The following DOCK10 variants were observed in gnomAD, a reference collection of about 807,000 sequenced individuals.
DOCK10 encodes dedicator of cytokinesis 10.
Under a neutral mutation model 280.1 loss-of-function variants are expected in DOCK10, and 145 were observed. The ratio of observed to expected loss-of-function variants is 0.52; its 90% confidence interval spans 0.45 to 0.59. DOCK10 has a LOEUF of 0.59. DOCK10 is among the 20% of genes least tolerant of loss of function. DOCK10 has a pLI of 0.00. For synonymous variants in DOCK10, 915 were observed against 942.2 expected (o/e 0.97, Z 0.53); for missense variants, 2,368 against 2,651.7 (o/e 0.89, Z 2.35).
chr2:224,961,319 A>G (rs1379578414), intron 1 of DOCK10, among the ~76,000 whole-genome samples: 2 of 152,078 alleles, frequency 1.3e-5, no homozygotes, highest in African/African-American at 2.4e-5. Context: ...CAGAGCTCCA[A>G]TTCCCATTGT....
At chr2:225,034,201 G>A (rs1405057475) in intron 1 of DOCK10, among the ~76,000 whole-genome samples, 1 of 152,224 alleles carries the variant, frequency 6.6e-6, no homozygotes, top group Non-Finnish European at 1.5e-5. Context: ...CCTGCCTGGT[G>A]GAGCTGGGAG....
intron 25 of DOCK10, among the ~76,000 whole-genome samples, chr2:224,836,480 G>C (rs182657736): frequency 6.6e-6 from 1 of 152,088 alleles, no homozygotes; most frequent in African/African-American, 2.4e-5. Flanking sequence ...TAACATTTCT[G>C]GCAGATAGAA....
chr2:224,912,043 A>G (rs1701044946), intron 3 of DOCK10, among the ~76,000 whole-genome samples: 1 of 152,220 alleles, frequency 6.6e-6, no homozygotes. Context: ...TTAGGTATTT[A>G]TCTAATGACT....
chr2:225,029,164 A>T lies in DOCK10; in HGVS notation c.123+13088T>A, dbSNP rs762966173. On this transcript the variant is annotated intron_variant, in intron 1 of 55. Coordinates refer to ENST00000258390, the MANE Select transcript of DOCK10 (RefSeq NM_014689.3). Reference sequence around the variant, plus strand: ...TTGTGACTCAGTTTCCTTCTATTTTATTTTATTTATTTATTTATTTATTTT... The same window carrying T: ...TTGTGACTCAGTTTCCTTCTATTTTTTTTTATTTATTTATTTATTTATTTT... Among the ~76,000 whole-genome samples the T allele has an allele frequency of 4.2e-3, 638 of 151,908 alleles. 5 individuals carry two copies. Among genetic ancestry groups the T allele is most frequent in the Non-Finnish European group, 7.7e-3 (524 of 67,958 alleles).
intron 1 of DOCK10, among the ~76,000 whole-genome samples, chr2:224,984,683 C>T (rs910318170): frequency 2.0e-5 from 3 of 152,108 alleles, no homozygotes; most frequent in Non-Finnish European, 4.4e-5. Flanking sequence ...AACATTTTCT[C>T]ATGAAAGATT....
intron 51 of DOCK10, among the ~76,000 whole-genome samples, chr2:224,776,908 CCCTGAGCTTT>C (rs1271201560): frequency 6.6e-6 from 1 of 152,180 alleles, no homozygotes; most frequent in African/African-American, 2.4e-5. Context: ...AAGGTCCCTG[CCCTGAGCTTT>C]CCTTGTACAA....
intron 47 of DOCK10, among the ~76,000 whole-genome samples, chr2:224,790,749 T>G (rs1192195820): frequency 1.3e-5 from 2 of 152,150 alleles, no homozygotes; most frequent in African/African-American, 4.8e-5. Flanking sequence ...AGCTGTACTT[T>G]CTGGGGTCGC....
In DOCK10 at chr2:225,000,082, A is replaced by G. The variant is rs564205403; in HGVS notation, c.123+42170T>C. Among the ~76,000 whole-genome samples the G allele has an allele frequency of 3.9e-5, 6 of 152,264 alleles. No individual in the cohort carries two copies. In the East Asian group the frequency reaches 1.2e-3, roughly 29 times the overall value. The stretch of plus-strand genomic sequence containing the variant: ...AGAGATGTGAATTTCAATTTCATAC[A>G]CTTTCTATGCAAAAATATAGCTGGC... On this transcript the variant is annotated intron_variant, in intron 1 of 55. Transcript: ENST00000258390.
At chr2:224,844,128 A>AT in intron 22 of DOCK10, among the ~76,000 whole-genome samples, 2 of 152,116 alleles carry the variant, frequency 1.3e-5, no homozygotes, top group South Asian at 2.1e-4. Context: ...GTCTGTCTTT[A>AT]TTTTTTTATT....
rs542039330 is a variant in DOCK10 at position 224,865,996 on chromosome 2, C to G, written c.1258-909G>C. Among the ~76,000 whole-genome samples, 16 of 152,228 alleles carry G rather than the reference C, an allele frequency of 1.1e-4. No individual in the cohort carries two copies. In the East Asian group the frequency reaches 2.9e-3, roughly 28 times the overall value. On this transcript the variant is annotated intron_variant, in intron 11 of 55. Coordinates refer to ENST00000258390, the MANE Select transcript of DOCK10 (RefSeq NM_014689.3). The stretch of plus-strand genomic sequence containing the variant: ...ATTATTCCTCTCCTAAATACTCCAG[C>G]GAGTGTTTTCCCGAAATGAGGACAC...
At chr2:224,950,270 C>T (rs1289759806) in intron 1 of DOCK10, among the ~76,000 whole-genome samples, 1 of 152,120 alleles carries the variant, frequency 6.6e-6, no homozygotes, top group African/African-American at 2.4e-5. Context: ...TTATAAAGAT[C>T]TAGCAATTAA....
chr2:224,896,022 A>G (rs1368674673), intron 4 of DOCK10, among the ~76,000 whole-genome samples: 1 of 152,158 alleles, frequency 6.6e-6, no homozygotes, highest in Non-Finnish European at 1.5e-5. Flanking sequence ...TTGAAAAAAC[A>G]GCTCACAGAA....
chr2:224,945,681 A>AT (rs747089651), intron 1 of DOCK10, among the ~76,000 whole-genome samples: 42 of 151,010 alleles, frequency 2.8e-4, no homozygotes, highest in Middle Eastern at 3.5e-3. Context: ...GTGTGTGCAT[A>AT]TATATATATA....
chr2:224,962,404 G>A (rs1372608456), intron 1 of DOCK10, among the ~76,000 whole-genome samples: 6 of 152,104 alleles, frequency 3.9e-5, no homozygotes, highest in Non-Finnish European at 7.4e-5. Flanking sequence ...GATAATTTAT[G>A]ACTCAGTTAA....
At chr2:225,032,299 T>C (rs1322169859) in intron 1 of DOCK10, among the ~76,000 whole-genome samples, 2 of 152,154 alleles carry the variant, frequency 1.3e-5, no homozygotes, top group Admixed American at 1.3e-4. Flanking sequence ...GATAAAAAGA[T>C]ACATTTTTCA....
At chr2:224,946,784 C>G in intron 1 of DOCK10, 1 of 1,321,896 alleles carries the variant, frequency 7.6e-7, no homozygotes. Flanking sequence ...TAGAGCTAAT[C>G]ATTTTTGAAA....
At chr2:224,955,774 A>G (rs2126138491) in intron 1 of DOCK10, among the ~76,000 whole-genome samples, 1 of 152,356 alleles carries the variant, frequency 6.6e-6, no homozygotes, top group East Asian at 1.9e-4. Flanking sequence ...GAAGTCCAGT[A>G]GTTAAGGTCC....
intron 1 of DOCK10, among the ~76,000 whole-genome samples, chr2:224,949,524 C>G (rs1409010338): frequency 6.6e-6 from 1 of 152,148 alleles, no homozygotes; most frequent in Non-Finnish European, 1.5e-5. Flanking sequence ...TTGAAGGAGT[C>G]TGGGGAAGCT....
rs77423157 is a variant in DOCK10 at position 224,973,732 on chromosome 2, T to C, written c.124-42064A>G. On this transcript the variant is annotated intron_variant, in intron 1 of 55. Coordinates refer to ENST00000258390, the MANE Select transcript of DOCK10 (RefSeq NM_014689.3). The stretch of plus-strand genomic sequence containing the variant: ...AGCAGAAATAGGAAACTAAGGCAGA[T>C]AGGCACCCTCACGACTCTCATTTTA... 2.4e-3 allele frequency among the ~76,000 whole-genome samples: 364 copies of C among 152,290 alleles called. 2 individuals carry two copies. Among genetic ancestry groups the C allele is most frequent in the African/African-American group, 8.2e-3 (339 of 41,552 alleles).
Sources: allele counts gnomAD v4.1 joint callset (sites outside exome capture counted in the v4.1 genomes callset), GRCh38; gene constraint gnomAD v4.1.1; transcripts MANE v1.5; gene names NCBI Gene and HGNC (gene_info 2026-07-23, HGNC 2026-07-21).